Variants in ZNF664 observed in about 807,000 individuals in gnomAD.
The protein encoded by ZNF664 is zinc finger protein 664, also known as zinc finger Organ of Corti 1.
Under a neutral mutation model 18.2 loss-of-function variants are expected in ZNF664, and 10 were observed. The ratio of observed to expected loss-of-function variants is 0.55; its 90% CI spans 0.34 to 0.93. The LOEUF is 0.93. Ranked by LOEUF, ZNF664 falls within the 40% of genes least tolerant of loss-of-function variation. ZNF664 has a pLI of 0.02. For synonymous variants in ZNF664, 119 were observed against 104.2 expected, an observed-to-expected ratio of 1.14 and a Z score of -0.86; for missense variants, 193 against 319.0, an observed-to-expected ratio of 0.61 and a Z score of 3.01.
intron 2 of ZNF664, chr12:123,974,433 C>T (rs915356554): frequency 6.9e-5 from 11 of 160,072 alleles, no homozygotes; most frequent in Admixed American, 1.9e-4. Context: ...GGTTTTTAGG[C>T]ATTTTGGCTT....
chr12:123,973,744 TGCCGCCCTC>T, intron 1 of ZNF664, 133 bp from the exon 2 acceptor site: 1 of 1,216,198 alleles, frequency 8.2e-7, no homozygotes, highest in Non-Finnish European at 1.0e-6. Flanking sequence ...GGGGGAGCGC[TGCCGCCCTC>T]GTCGCCCGTG....
chr12:123,978,761 A>G (rs1956725327), intron 2 of ZNF664, among the ~76,000 whole-genome samples: 1 of 152,226 alleles, frequency 6.6e-6, no homozygotes, highest in African/African-American at 2.4e-5. Context: ...TGAGAAGTCA[A>G]AGCATACTGA....
chr12:123,991,380 G>A (rs1399539323), intron 3 of ZNF664, among the ~76,000 whole-genome samples: 1 of 152,164 alleles, frequency 6.6e-6, no homozygotes, highest in Non-Finnish European at 1.5e-5. Context: ...GGAACAGGGA[G>A]CAGCAGACAC....
rs202221802 is a variant in ZNF664, at chr12:124,012,123, A to G, written c.-22A>G. The G allele has an allele frequency of 1.3e-5, 21 of 1,581,190 alleles. No homozygotes were observed. Among genetic ancestry groups the G allele is most frequent in the Admixed American group, 7.8e-5 (4 of 51,452 alleles). On this transcript the variant is annotated 5_prime_UTR_variant, in exon 5 of 5. Coordinates refer to ENST00000337815, the MANE Select transcript of ZNF664 (RefSeq NM_152437.3). ...ATCATAAGGAAATTTTCTCCTTGAAATCACGATACCAAATAGGAAAAATGA... is the reference window on the plus strand; with the variant it reads ...ATCATAAGGAAATTTTCTCCTTGAAGTCACGATACCAAATAGGAAAAATGA...
chr12:123,997,386 T>C (rs543205673), intron 3 of ZNF664, among the ~76,000 whole-genome samples: 9 of 152,324 alleles, frequency 5.9e-5, no homozygotes, highest in Non-Finnish European at 1.2e-4. Flanking sequence ...AAATTTATTG[T>C]CTCACAGTTC....
At chr12:123,986,355 A>G (rs1245314436) in intron 2 of ZNF664, among the ~76,000 whole-genome samples, 1 of 152,232 alleles carries the variant, frequency 6.6e-6, no homozygotes, top group Non-Finnish European at 1.5e-5. Flanking sequence ...CTTCCCATGG[A>G]CAGTGAGGTC....
intron 2 of ZNF664, 134 bp downstream of exon 2, chr12:123,974,154 C>A: frequency 1.8e-6 from 1 of 566,180 alleles, no homozygotes; most frequent in Non-Finnish European, 2.6e-6. Flanking sequence ...CCCTCCCAGA[C>A]ATTTTCCCGT....
chr12:123,984,821 G>GAGTTGAGCTAAA (rs1349364396), intron 2 of ZNF664, among the ~76,000 whole-genome samples: 1 of 152,060 alleles, frequency 6.6e-6, no homozygotes, highest in Non-Finnish European at 1.5e-5. Context: ...CATCATCATG[G>GAGTTGAGCTAAA]AAATGGTCAT....
chr12:123,989,791 G>A (rs1460647708), intron 3 of ZNF664, among the ~76,000 whole-genome samples: 1 of 152,254 alleles, frequency 6.6e-6, no homozygotes, highest in Admixed American at 6.5e-5. Context: ...AAAGCCTGAA[G>A]GCCAGAGTTC....
At chr12:123,999,741 C>T (rs373279985) in intron 3 of ZNF664, among the ~76,000 whole-genome samples, 3 of 152,148 alleles carry the variant, frequency 2.0e-5, no homozygotes, top group Admixed American at 6.5e-5. Context: ...GGGCTAGAGT[C>T]GGGCAGTACA....
Position 123,973,235 on chromosome 12 carries a change from C to T in ZNF664, c.-1009C>T. 1.0e-6 allele frequency: 1 copy of T among 989,038 alleles called. No homozygotes were observed. The highest frequency in any genetic ancestry group is 1.2e-6 in the Non-Finnish European group (1 of 834,700). The allele number at this position is 989,038 out of a possible 1,614,324, so 61.3% of individuals were successfully genotyped here. On this transcript the variant is annotated 5_prime_UTR_variant, in exon 1 of 5. Coordinates refer to ENST00000337815, the MANE Select transcript of ZNF664 (RefSeq NM_152437.3). ...CACGCGCGCTGTCCCCCGGAGGCGTCTGGGTGTGCGGAGCGCGCGCGCGCG... is the reference window on the plus strand; with the variant it reads ...CACGCGCGCTGTCCCCCGGAGGCGTTTGGGTGTGCGGAGCGCGCGCGCGCG...
intron 3 of ZNF664, among the ~76,000 whole-genome samples, chr12:123,988,672 T>C (rs183537367): frequency 1.3e-5 from 2 of 152,300 alleles, no homozygotes; most frequent in East Asian, 3.9e-4. Context: ...TGGTTTCACA[T>C]TGATCTGTGC....
intron 3 of ZNF664, chr12:123,997,666 C>T (rs915500055): frequency 1.3e-5 from 2 of 152,192 alleles, no homozygotes; most frequent in Non-Finnish European, 2.9e-5. Context: ...ATGATGTCAT[C>T]TTAATTACAT....
chr12:123,981,855 A>G (rs902415624), intron 2 of ZNF664, among the ~76,000 whole-genome samples: 10 of 152,246 alleles, frequency 6.6e-5, no homozygotes, highest in African/African-American at 2.2e-4. Flanking sequence ...TCTACATGGT[A>G]AATTTTTCTT....
At chr12:123,982,699 G>A (rs963509252) in intron 2 of ZNF664, among the ~76,000 whole-genome samples, 1 of 152,224 alleles carries the variant, frequency 6.6e-6, no homozygotes, top group Non-Finnish European at 1.5e-5. Flanking sequence ...CTGGTGGACT[G>A]GCTAGAAGGG....
At chr12:123,974,269 T>C (rs931167292) in intron 2 of ZNF664, 1 of 376,856 alleles carries the variant, frequency 2.7e-6, no homozygotes, top group Non-Finnish European at 4.7e-6. Flanking sequence ...CCCGGGAGCC[T>C]GCTCCGAACT....
chr12:124,013,249 T>C lies in ZNF664; in HGVS notation c.*319T>C, dbSNP rs1957153787. On this transcript the variant is annotated 3_prime_UTR_variant, in exon 5 of 5. Coordinates refer to ENST00000337815, the MANE Select transcript of ZNF664 (RefSeq NM_152437.3). ...CACAATCATTGCCCGGCCTCCTGAG[T>C]CACCTTCTATCTATACTTTGCTTAA... The C allele has an allele frequency of 1.9e-5, 7 of 363,542 alleles. No individual in the cohort carries two copies. In the South Asian group the frequency reaches 2.4e-4, roughly 12 times the overall value. 22.5% of individuals were successfully genotyped at this position (363,542 alleles called of 1,614,324 possible).
chr12:123,976,508 G>A (rs933401886), intron 2 of ZNF664, among the ~76,000 whole-genome samples: 1 of 152,134 alleles, frequency 6.6e-6, no homozygotes, highest in Non-Finnish European at 1.5e-5. Flanking sequence ...GGGTCATGTA[G>A]GGCAGGTTAA....
Position 124,011,692 on chromosome 12 carries a change from G to A in ZNF664, c.-453G>A. 19 of 1,007,008 alleles carry A rather than the reference G, an allele frequency of 1.9e-5. No homozygotes were observed. The highest frequency in any genetic ancestry group is 2.2e-5 in the Non-Finnish European group (19 of 846,470). 62.4% of individuals were successfully genotyped at this position (1,007,008 alleles called of 1,614,324 possible). On this transcript the variant is annotated 5_prime_UTR_variant, in exon 5 of 5. Transcript: ENST00000337815. Reference sequence around the variant, plus strand: ...TGACTCTTCAAGGGGCAACTGCAGGGGCTCGAGACCAGCCAGCAGTATCTC... The same window carrying A: ...TGACTCTTCAAGGGGCAACTGCAGGAGCTCGAGACCAGCCAGCAGTATCTC...
Sources: gnomAD v4.1 joint callset for allele counts (sites outside exome capture counted in the v4.1 genomes callset) on GRCh38, gnomAD v4.1.1 for gene constraint, MANE v1.5 for transcripts, NCBI Gene and HGNC (gene_info 2026-07-23, HGNC 2026-07-21) for gene names.